The following ZNF385D variants were observed in gnomAD, a reference collection of about 807,000 sequenced individuals.
The protein encoded by ZNF385D is zinc finger protein 385D.
A neutral mutation model predicts 35.8 loss-of-function variants in ZNF385D; 15 were observed. The ratio of observed to expected loss-of-function variants is 0.42; its 90% confidence interval spans 0.28 to 0.64. The LOEUF (loss-of-function observed/expected upper bound fraction) is 0.64. Ranked by LOEUF, ZNF385D falls within the 30% of genes least tolerant of loss-of-function variation. The probability of loss-of-function intolerance (pLI) is 0.23; values close to 1 mark genes in which losing one functional copy is unlikely to be tolerated. For synonymous variants in ZNF385D, 212 were observed against 186.8 expected, an observed-to-expected ratio of 1.13 and a Z score of -1.10; for missense variants, 474 against 494.6, an observed-to-expected ratio of 0.96 and a Z score of 0.39.
chr3:21,470,423 CAG>C (rs1182786874), intron 4 of ZNF385D, among the ~76,000 whole-genome samples: 17 of 152,122 alleles, frequency 1.1e-4, no homozygotes, highest in African/African-American at 4.1e-4. Flanking sequence ...ATAAAACTGT[CAG>C]AGTAAAAAAT....
chr3:21,783,550 C>G (rs552549695), intron 3 of ZNF385D, among the ~76,000 whole-genome samples: 2 of 152,172 alleles, frequency 1.3e-5, no homozygotes, highest in Admixed American at 1.3e-4. Flanking sequence ...CCTCAAACAC[C>G]TGGGACACTC....
chr3:21,928,134 C>A (rs1225405356), intron 3 of ZNF385D, among the ~76,000 whole-genome samples: 1 of 151,886 alleles, frequency 6.6e-6, no homozygotes, highest in Non-Finnish European at 1.5e-5. Flanking sequence ...TAAGATGAGG[C>A]CAGGTGTTCA....
At chr3:21,771,471 A>G (rs1297375395) in intron 3 of ZNF385D, among the ~76,000 whole-genome samples, 2 of 151,988 alleles carry the variant, frequency 1.3e-5, no homozygotes, top group Non-Finnish European at 1.5e-5. Flanking sequence ...ATAGAAATGT[A>G]TGGAACATTC....
intron 2 of ZNF385D, among the ~76,000 whole-genome samples, chr3:21,610,566 C>G (rs548279924): frequency 7.9e-5 from 12 of 152,010 alleles, no homozygotes; most frequent in Non-Finnish European, 1.3e-4. Flanking sequence ...GTCAGGAGAT[C>G]GACACCATCC....
intron 4 of ZNF385D, among the ~76,000 whole-genome samples, chr3:21,463,434 G>C (rs1703311124): frequency 6.6e-6 from 1 of 152,206 alleles, no homozygotes; most frequent in Non-Finnish European, 1.5e-5. Context: ...TAGAGAGCAT[G>C]CACAGTGGCA....
intron 2 of ZNF385D, among the ~76,000 whole-genome samples, chr3:22,284,189 G>GTT (rs772374451): frequency 2.0e-5 from 3 of 150,454 alleles, no homozygotes; most frequent in African/African-American, 7.3e-5. Context: ...TTGTTTGTTT[G>GTT]TTTGTTTTTG....
intron 3 of ZNF385D, among the ~76,000 whole-genome samples, chr3:22,116,819 A>G (rs1338954261): frequency 2.6e-5 from 4 of 152,074 alleles, no homozygotes; most frequent in Admixed American, 2.6e-4. Context: ...TGAAAGGTTT[A>G]TAAGGCTATT....
intron 2 of ZNF385D, among the ~76,000 whole-genome samples, chr3:21,573,224 G>T (rs1023104000): frequency 6.6e-6 from 1 of 152,128 alleles, no homozygotes; most frequent in Non-Finnish European, 1.5e-5. Context: ...TCTAGAAATC[G>T]CTATGTAAAA....
intron 3 of ZNF385D, among the ~76,000 whole-genome samples, chr3:22,120,781 A>G (rs1394843322): frequency 6.6e-6 from 1 of 152,178 alleles, no homozygotes; most frequent in African/African-American, 2.4e-5. Flanking sequence ...CAAGCTTTAA[A>G]TATGTTTTCC....
chr3:22,039,329 A>AC (rs1698526342), intron 3 of ZNF385D, among the ~76,000 whole-genome samples: 1 of 151,964 alleles, frequency 6.6e-6, no homozygotes, highest in African/African-American at 2.4e-5. Context: ...TATTCCCAGA[A>AC]AATGTCAACT....
chr3:21,793,272 A>G (rs1414378047), intron 3 of ZNF385D, among the ~76,000 whole-genome samples: 1 of 152,242 alleles, frequency 6.6e-6, no homozygotes, highest in Non-Finnish European at 1.5e-5. Context: ...AGTGAAAATA[A>G]TAAATGTCCT....
intron 7 of ZNF385D, among the ~76,000 whole-genome samples, chr3:21,422,182 C>A (rs888106422): frequency 4.6e-5 from 7 of 152,128 alleles, no homozygotes; most frequent in African/African-American, 1.7e-4. Context: ...AATAGCAACA[C>A]AATTTTGACT....
At chr3:21,449,368 T>C (rs764584585) in intron 4 of ZNF385D, among the ~76,000 whole-genome samples, 3 of 152,152 alleles carry the variant, frequency 2.0e-5, no homozygotes, top group Non-Finnish European at 4.4e-5. Context: ...TGGGATCTTG[T>C]TACGTAAGAG....
At chr3:21,793,181 A>G (rs2125666544) in intron 3 of ZNF385D, among the ~76,000 whole-genome samples, 1 of 152,356 alleles carries the variant, frequency 6.6e-6, no homozygotes, top group African/African-American at 2.4e-5. Flanking sequence ...TTGAAAGAAT[A>G]AAGTTATGCA....
At chr3:22,014,704 G>A (rs140329185) in intron 3 of ZNF385D, among the ~76,000 whole-genome samples, 1 of 151,846 alleles carries the variant, frequency 6.6e-6, no homozygotes, top group Non-Finnish European at 1.5e-5. Context: ...ATAAAGACTT[G>A]ATATACAAGA....
At chr3:21,881,101 G>A (rs1042669093) in intron 3 of ZNF385D, among the ~76,000 whole-genome samples, 1 of 152,126 alleles carries the variant, frequency 6.6e-6, no homozygotes, top group South Asian at 2.1e-4. Flanking sequence ...AAGTAGTGAT[G>A]TAGAAGCTTC....
chr3:21,769,723 T>C (rs1327499398), intron 3 of ZNF385D, among the ~76,000 whole-genome samples: 1 of 98,920 alleles, frequency 1.0e-5, no homozygotes, highest in African/African-American at 4.6e-5. Flanking sequence ...CTTCACAGAA[T>C]TGGAAAAAAC....
intron 3 of ZNF385D, among the ~76,000 whole-genome samples, chr3:22,000,747 T>G (rs1559836842): frequency 7.5e-6 from 1 of 132,708 alleles, no homozygotes; most frequent in Non-Finnish European, 1.6e-5. Context: ...GATAATAAAT[T>G]CAAAGTTCTG....
intron 1 of ZNF385D, among the ~76,000 whole-genome samples, chr3:21,723,635 A>G (rs2068633372): frequency 6.6e-6 from 1 of 152,226 alleles, no homozygotes; most frequent in African/African-American, 2.4e-5. Flanking sequence ...AGCCTCCAAG[A>G]AATATGGGAC....
Sources: allele counts gnomAD v4.1 joint callset (sites outside exome capture counted in the v4.1 genomes callset), GRCh38; gene constraint gnomAD v4.1.1; transcripts MANE v1.5; gene names NCBI Gene and HGNC (gene_info 2026-07-23, HGNC 2026-07-21).